Variants in GAPVD1 observed in about 807,000 individuals in gnomAD.
GAPVD1 encodes the protein GTPase-activating protein and VPS9 domain-containing protein 1.
Under a neutral mutation model 155.5 loss-of-function variants are expected in GAPVD1, and 35 were observed. That is an observed-to-expected ratio of 0.23 (90% CI 0.17 to 0.30). The LOEUF is 0.30. Among genes scored for constraint, GAPVD1 ranks in the 10% least tolerant of loss-of-function variants. GAPVD1 has a pLI of 1.00. For synonymous variants in GAPVD1, 636 were observed against 619.7 expected (o/e 1.03, Z -0.39); for missense variants, 1,429 against 1,775.7 (o/e 0.80, Z 3.51).
intron 19 of GAPVD1, 136 bp from the exon 20 acceptor site, chr9:125,346,683 C>G (rs1848560026): frequency 2.6e-6 from 2 of 762,488 alleles, no homozygotes; most frequent in Non-Finnish European, 4.7e-6. Context: ...CATGGTGCCT[C>G]TTAACATTGA....
chr9:125,301,962 T>C, intron 4 of GAPVD1, 21 bp from the exon 5 acceptor site: 3 of 1,418,802 alleles, frequency 2.1e-6, no homozygotes, highest in Non-Finnish European at 2.9e-6. Context: ...GCTTGTTTGC[T>C]CTTTTTTTTT....
intron 5 of GAPVD1, 35 bp from the exon 6 acceptor site, chr9:125,305,028 A>G (rs1841553836): frequency 1.4e-6 from 2 of 1,381,280 alleles, no homozygotes; most frequent in African/African-American, 1.4e-5. Context: ...ATCTGTCTGT[A>G]GCTTATGTCT....
In GAPVD1 at chr9:125,350,417, A is replaced by AG. The variant is rs777432634; in HGVS notation, c.3409+15dup. 123 of 1,516,426 alleles carry AG rather than the reference A, an allele frequency of 8.1e-5. No homozygotes were observed. In the Middle Eastern group the frequency reaches 8.5e-4, roughly 10 times the overall value. 93.9% of individuals were successfully genotyped at this position (1,516,426 alleles called of 1,614,324 possible). On this transcript the variant is annotated intron_variant, in intron 22 of 27. Coordinates refer to ENST00000297933, the MANE Select transcript of GAPVD1 (RefSeq NM_001282680.3). ...ACAGACCCAGAAGGTAAATTGCTGC[A>AG]GGATCGTTTAATTTTTCCTATGTTT...
At chr9:125,266,848 C>G (rs1834062654) in intron 1 of GAPVD1, among the ~76,000 whole-genome samples, 1 of 152,034 alleles carries the variant, frequency 6.6e-6, no homozygotes, top group Admixed American at 6.6e-5. Flanking sequence ...GCAACTTCCC[C>G]CTCCTGGGTT....
chr9:125,363,620 T>A lies in GAPVD1; in HGVS notation c.*874T>A, dbSNP rs1851225757. Reference sequence around the variant, plus strand: ...ATAGCTCATACTTTATGGTGGTTCTTCTCCTCCGAAATAATATACTGCAGA... The same window carrying A: ...ATAGCTCATACTTTATGGTGGTTCTACTCCTCCGAAATAATATACTGCAGA... On this transcript the variant is annotated 3_prime_UTR_variant, in exon 28 of 28. Transcript: ENST00000297933. The A allele has an allele frequency of 6.6e-6, 1 of 152,572 alleles. No homozygotes were observed. The highest frequency in any genetic ancestry group is 1.5e-5 in the Non-Finnish European group (1 of 68,034). 9.5% of individuals were successfully genotyped at this position (152,572 alleles called of 1,614,324 possible). A position where few individuals can be genotyped will look rare whatever the true frequency, so the allele number is the denominator to read the frequency against.
At chr9:125,276,724 A>G (rs1835851380) in intron 2 of GAPVD1, among the ~76,000 whole-genome samples, 1 of 152,104 alleles carries the variant, frequency 6.6e-6, no homozygotes, top group Non-Finnish European at 1.5e-5. Context: ...TGCTCATTGG[A>G]ATGTGAGAAG....
chr9:125,349,256 C>T, intron 20 of GAPVD1, 134 bp from the exon 21 acceptor site: 2 of 718,522 alleles, frequency 2.8e-6, no homozygotes, highest in Non-Finnish European at 2.3e-6. Context: ...TTTGTTTTTT[C>T]TTTCTTTTTT....
At chr9:125,332,933 T>C (rs1846294643) in intron 15 of GAPVD1, among the ~76,000 whole-genome samples, 2 of 152,244 alleles carry the variant, frequency 1.3e-5, no homozygotes, top group Non-Finnish European at 2.9e-5. Context: ...GTGGAATGGC[T>C]AAATAATTTT....
Position 125,307,804 on chromosome 9 carries a change from A to G in GAPVD1, c.1365A>G (p.Leu455=). ...CCAAGCCAGGAAAAAGTAGCAGTTT[A>G]GAAATGACTCCCTACAATACACCTC... ...PPAKPGKSSS[L]EMTPYNTPQL... The change falls in exon 8 of 28, where the codon TTA becomes TTG. Residue 455 remains leucine (L), a synonymous_variant. Transcript: ENST00000297933. The G allele has an allele frequency of 6.2e-7, 1 of 1,613,776 alleles. No homozygotes were observed. Among genetic ancestry groups the G allele is most frequent in the South Asian group, 1.1e-5 (1 of 91,070 alleles).
At chr9:125,290,674 A>T (rs1188252070) in intron 2 of GAPVD1, among the ~76,000 whole-genome samples, 1 of 152,202 alleles carries the variant, frequency 6.6e-6, no homozygotes, top group Non-Finnish European at 1.5e-5. Context: ...TGCATGTGTC[A>T]CAACAGTAAG....
At chr9:125,298,238 G>T (rs1379530196) in intron 3 of GAPVD1, among the ~76,000 whole-genome samples, 2 of 152,156 alleles carry the variant, frequency 1.3e-5, no homozygotes, top group Non-Finnish European at 2.9e-5. Context: ...AGGATATTTT[G>T]ATTGTGATTA....
At chr9:125,291,013 G>A (rs1028348547) in intron 2 of GAPVD1, among the ~76,000 whole-genome samples, 5 of 122,824 alleles carry the variant, frequency 4.1e-5, no homozygotes, top group East Asian at 2.4e-4. Context: ...AAAAAAAAAA[G>A]ACTGGGCATA....
At chr9:125,267,974 C>T (rs1338562507) in intron 1 of GAPVD1, among the ~76,000 whole-genome samples, 1 of 152,018 alleles carries the variant, frequency 6.6e-6, no homozygotes, top group African/African-American at 2.4e-5. Context: ...ACCAGCCTGG[C>T]CGACATGATG....
chr9:125,323,555 T>G (rs905560809), intron 10 of GAPVD1, among the ~76,000 whole-genome samples: 2 of 152,174 alleles, frequency 1.3e-5, no homozygotes, highest in Non-Finnish European at 2.9e-5. Context: ...TCCACCCACC[T>G]CAGCCTCCCA....
chr9:125,302,124 T>C lies in GAPVD1; in HGVS notation c.327T>C (p.Leu109=). The change falls in exon 5 of 28, where the codon CTT becomes CTC. Residue 109 remains leucine, a synonymous_variant. Transcript: ENST00000297933. ...GTCGATTGAGGGAAAATCCTCGTCTTATTGCCTCCTCTTTGGTTGCTGGAG... is the reference window on the plus strand; with the variant it reads ...GTCGATTGAGGGAAAATCCTCGTCTCATTGCCTCCTCTTTGGTTGCTGGAG... The part of the protein sequence containing the change: ...FLSRLRENPR[L]IASSLVAGEK... 6.2e-7 allele frequency: 1 copy of C among 1,614,076 alleles called. No homozygotes were observed. Among genetic ancestry groups the C allele is most frequent in the South Asian group, 1.1e-5 (1 of 91,084 alleles).
In GAPVD1 at chr9:125,359,409, G is replaced by A; in HGVS notation, c.3972-11G>A. 6.6e-7 allele frequency: 1 copy of A among 1,513,648 alleles called. No homozygotes were observed. Among genetic ancestry groups the A allele is most frequent in the Non-Finnish European group, 9.2e-7 (1 of 1,090,326 alleles). The allele number at this position is 1,513,648 out of a possible 1,614,324, so 93.8% of individuals were successfully genotyped here. A position where few individuals can be genotyped will look rare whatever the true frequency, so the allele number is the denominator to read the frequency against. On this transcript the variant is annotated splice_polypyrimidine_tract_variant and intron_variant, in intron 25 of 27. Transcript: ENST00000297933. ...ATGAATGTTTACATGTGTATTTTGG[G>A]GGGTTTTCAGGGTTCTTCATGAACA...
chr9:125,354,294 G>A (rs1267482174), intron 23 of GAPVD1, among the ~76,000 whole-genome samples: 1 of 152,184 alleles, frequency 6.6e-6, no homozygotes. Flanking sequence ...TTGGTCATCT[G>A]TAGCTGTCAA....
intron 4 of GAPVD1, among the ~76,000 whole-genome samples, chr9:125,300,208 G>T (rs1329970661): frequency 1.4e-5 from 2 of 143,270 alleles, no homozygotes; most frequent in African/African-American, 5.1e-5. Context: ...TTGAGTTGGA[G>T]TCTCGCTCTG....
chr9:125,350,670 G>A, intron 22 of GAPVD1, 43 bp from the exon 23 acceptor site: 1 of 1,245,610 alleles, frequency 8.0e-7, no homozygotes, highest in Middle Eastern at 1.9e-4. Flanking sequence ...TTAAGCACAT[G>A]GAAATTCTCA....
Sources: gnomAD v4.1 joint callset for allele counts (sites outside exome capture counted in the v4.1 genomes callset) on GRCh38, gnomAD v4.1.1 for gene constraint, MANE v1.5 for transcripts, NCBI Gene and HGNC (gene_info 2026-07-23, HGNC 2026-07-21) for gene names.